Variants in HPCAL1 observed in about 807,000 individuals in gnomAD.
HPCAL1 encodes hippocalcin-like protein 1.
HPCAL1 carries 8 observed loss-of-function variants against 17.1 expected under a neutral mutation model. That is an observed-to-expected ratio of 0.47 (90% CI 0.27 to 0.84). The LOEUF is 0.84. Among genes scored for constraint, HPCAL1 ranks in the 40% least tolerant of loss-of-function variants. The probability of loss-of-function intolerance (pLI) is 0.13; values close to 1 mark genes in which losing one functional copy is unlikely to be tolerated. For synonymous variants in HPCAL1, 112 were observed against 111.4 expected (o/e 1.01, Z -0.03); for missense variants, 165 against 271.1 (o/e 0.61, Z 2.75).
Position 10,343,384 on chromosome 2 carries a change from A to G in HPCAL1, c.-111+40207A>G, listed in dbSNP as rs1057324650. Among the ~76,000 whole-genome samples the G allele has an allele frequency of 6.6e-6, 1 of 152,232 alleles. No homozygotes were observed. Among genetic ancestry groups the G allele is most frequent in the Non-Finnish European group, 1.5e-5 (1 of 68,042 alleles). ...GATGCTAATTCTCACTAGCATGTGA[A>G]GGACTGATAGCACCATATCTCCCTC... is the stretch of plus-strand genomic sequence containing the variant. On this transcript the variant is annotated intron_variant, in intron 1 of 4. Coordinates refer to ENST00000307845, the MANE Select transcript of HPCAL1 (RefSeq NM_002149.4). This position sits in a 1 kb window ranked among gnomAD's most constrained non-coding sequence, Gnocchi z 4.8.
At position 10,343,878 on chromosome 2, in the gene HPCAL1, T is replaced by C. The variant is rs1396590251; in HGVS notation, c.-111+40701T>C. ...CAGGGATGAACACATGGCCCATGGCTGTGCGCTTCCCAAGCAAGCAGTTCT... is the reference window on the plus strand; with the variant it reads ...CAGGGATGAACACATGGCCCATGGCCGTGCGCTTCCCAAGCAAGCAGTTCT... On this transcript the variant is annotated intron_variant, in intron 1 of 4. Coordinates refer to ENST00000307845, the MANE Select transcript of HPCAL1 (RefSeq NM_002149.4). This position sits in a 1 kb window ranked among gnomAD's most constrained non-coding sequence, Gnocchi z 4.8. 1.3e-5 allele frequency among the ~76,000 whole-genome samples: 2 copies of C among 152,180 alleles called. No individual in the cohort carries two copies. The highest frequency in any genetic ancestry group is 4.8e-5 in the African/African-American group (2 of 41,454).
chr2:10,343,441 A>G lies in HPCAL1; in HGVS notation c.-111+40264A>G, dbSNP rs181957632. On this transcript the variant is annotated intron_variant, in intron 1 of 4. Transcript: ENST00000307845. This position sits in a 1 kb window ranked among gnomAD's most constrained non-coding sequence, Gnocchi z 4.8. The stretch of plus-strand genomic sequence containing the variant: ...TCCCGGGTGGGAGGTGGGTGTTTGC[A>G]TAGGCAGGCAGGTGAGCCAGCCTAG... Among the ~76,000 whole-genome samples the G allele has an allele frequency of 3.3e-4, 51 of 152,342 alleles. No individual in the cohort carries two copies. The East Asian group carries it at 9.6e-3, about 29-fold the overall frequency.
intron 1 of HPCAL1, among the ~76,000 whole-genome samples, chr2:10,308,683 G>A (rs1662773622): frequency 6.6e-6 from 1 of 152,170 alleles, no homozygotes; most frequent in Non-Finnish European, 1.5e-5. Flanking sequence ...GGCACCTACA[G>A]AATACCCAAG....
At position 10,395,252 on chromosome 2, in the gene HPCAL1, CATTCCATAATTGGCCTACAAA is replaced by C. The variant is rs1484457636; in HGVS notation, c.-110-1578_-110-1558del. Among the ~76,000 whole-genome samples the C allele has an allele frequency of 6.6e-6, 1 of 152,028 alleles. No homozygotes were observed. Among genetic ancestry groups the C allele is most frequent in the Non-Finnish European group, 1.5e-5 (1 of 68,030 alleles). On this transcript the variant is annotated intron_variant, in intron 1 of 4. Transcript: ENST00000307845. This position sits in a 1 kb window ranked among gnomAD's most constrained non-coding sequence, Gnocchi z 4.4. ...GTCTTGAATTCTAGCAGTGAGTTTA[CATTCCATAATTGGCCTACAAA>C]ATTCTATATTTGGGAAACAGTAGAA...
At chr2:10,306,231 G>A (rs1236233556) in intron 1 of HPCAL1, among the ~76,000 whole-genome samples, 1 of 152,132 alleles carries the variant, frequency 6.6e-6, no homozygotes, top group East Asian at 1.9e-4. Context: ...AACCGTGCTT[G>A]TTCATTGTGG....
chr2:10,305,607 A>C (rs572484958), intron 1 of HPCAL1, among the ~76,000 whole-genome samples: 83 of 152,356 alleles, frequency 5.4e-4, no homozygotes, highest in Admixed American at 2.5e-3. Context: ...GGAATCCAAT[A>C]AATGGAAGGT....
rs1665214961 is a variant in HPCAL1 at position 10,343,415 on chromosome 2, C to T, written c.-111+40238C>T. On this transcript the variant is annotated intron_variant, in intron 1 of 4. Transcript: ENST00000307845. The surrounding 1 kb of genome is among the most constrained non-coding windows in gnomAD (Gnocchi z 4.8). Reference sequence around the variant, plus strand: ...GATAGCACCATATCTCCCTCCAGGACTCCCGGGTGGGAGGTGGGTGTTTGC... The same window carrying T: ...GATAGCACCATATCTCCCTCCAGGATTCCCGGGTGGGAGGTGGGTGTTTGC... 6.6e-6 allele frequency among the ~76,000 whole-genome samples: 1 copy of T among 152,254 alleles called. No homozygotes were observed. Among genetic ancestry groups the T allele is most frequent in the Non-Finnish European group, 1.5e-5 (1 of 68,050 alleles).
In HPCAL1 at chr2:10,394,965, T is replaced by A. The variant is rs553253518; in HGVS notation, c.-110-1870T>A. On this transcript the variant is annotated intron_variant, in intron 1 of 4. Coordinates refer to ENST00000307845, the MANE Select transcript of HPCAL1 (RefSeq NM_002149.4). This position sits in a 1 kb window ranked among gnomAD's most constrained non-coding sequence, Gnocchi z 5.0. ...CACGCACCACCACGCATGGCTAATTTTTTGTATTTTTAGTAGAGATGGCAT... is the reference window on the plus strand; with the variant it reads ...CACGCACCACCACGCATGGCTAATTATTTGTATTTTTAGTAGAGATGGCAT... Among the ~76,000 whole-genome samples the A allele has an allele frequency of 1.1e-4, 16 of 151,930 alleles. No homozygotes were observed. The highest frequency in any genetic ancestry group is 3.4e-3 in the Middle Eastern group (1 of 292).
chr2:10,368,113 C>T (rs1666960380), intron 1 of HPCAL1, among the ~76,000 whole-genome samples: 1 of 151,364 alleles, frequency 6.6e-6, no homozygotes, highest in Non-Finnish European at 1.5e-5. Context: ...TATGCGCATA[C>T]ACATGTATAG....
At chr2:10,317,329 G>C (rs978843877) in intron 1 of HPCAL1, among the ~76,000 whole-genome samples, 4 of 152,006 alleles carry the variant, frequency 2.6e-5, no homozygotes, top group African/African-American at 9.7e-5. Context: ...ATCCAAAACA[G>C]CCACAACAAC....
chr2:10,405,399 G>C (rs945634594), intron 2 of HPCAL1, among the ~76,000 whole-genome samples: 20 of 152,262 alleles, frequency 1.3e-4, no homozygotes, highest in Admixed American at 4.6e-4. Flanking sequence ...GACCCTGGAA[G>C]AGCTGCCTGT....
chr2:10,416,829 C>T lies in HPCAL1; in HGVS notation c.-24-2905C>T, dbSNP rs1016692599. 3.9e-5 allele frequency among the ~76,000 whole-genome samples: 6 copies of T among 152,032 alleles called. No homozygotes were observed. In the South Asian group the frequency reaches 6.2e-4, roughly 16 times the overall value. On this transcript the variant is annotated intron_variant, in intron 2 of 4. Coordinates refer to ENST00000307845, the MANE Select transcript of HPCAL1 (RefSeq NM_002149.4). ...GAGCCCTTTAGAGCATGCTGGCAGG[C>T]GTCATCCCCAAGCCCCAGGGTGGGT...
At position 10,419,707 on chromosome 2, in the gene HPCAL1, G is replaced by A. The variant is rs774564984; in HGVS notation, c.-24-27G>A. ...GCCCTGCTCCGTGGCCGTGGGTGGCGTCCCCGGCTGACCCCCTGTCTTGCA... is the reference window on the plus strand; with the variant it reads ...GCCCTGCTCCGTGGCCGTGGGTGGCATCCCCGGCTGACCCCCTGTCTTGCA... On this transcript the variant is annotated intron_variant, in intron 2 of 4. Coordinates refer to ENST00000307845, the MANE Select transcript of HPCAL1 (RefSeq NM_002149.4). The surrounding 1 kb of genome is among the most constrained non-coding windows in gnomAD (Gnocchi z 5.0). 1.8e-5 allele frequency: 29 copies of A among 1,569,458 alleles called. No homozygotes were observed. Among genetic ancestry groups the A allele is most frequent in the Non-Finnish European group, 2.3e-5 (27 of 1,158,162 alleles).
rs1282886644 is a variant in HPCAL1 at position 10,384,989 on chromosome 2, A to T, written c.-110-11846A>T. Among the ~76,000 whole-genome samples, 2 of 152,090 alleles carry T rather than the reference A, an allele frequency of 1.3e-5. No homozygotes were observed. The highest frequency in any genetic ancestry group is 2.9e-5 in the Non-Finnish European group (2 of 68,022). On this transcript the variant is annotated intron_variant, in intron 1 of 4. Coordinates refer to ENST00000307845, the MANE Select transcript of HPCAL1 (RefSeq NM_002149.4). This position sits in a 1 kb window ranked among gnomAD's most constrained non-coding sequence, Gnocchi z 4.4. ...ACAAAAATTAGCTGGGCATGGTGGC[A>T]CACGCCTGTAATCCCAGCTACTTGG...
chr2:10,380,819 A>G (rs1207322050), intron 1 of HPCAL1, among the ~76,000 whole-genome samples: 2 of 152,050 alleles, frequency 1.3e-5, no homozygotes, highest in African/African-American at 4.8e-5. Flanking sequence ...TGGCCGCAAA[A>G]TCTCCTGGGC....
chr2:10,340,143 T>C (rs1664987349), intron 1 of HPCAL1, among the ~76,000 whole-genome samples: 1 of 152,288 alleles, frequency 6.6e-6, no homozygotes, highest in Non-Finnish European at 1.5e-5. Context: ...CTGCCTCGGC[T>C]CCTCCCCACA....
chr2:10,368,683 T>C (rs1667013452), intron 1 of HPCAL1: 2 of 152,258 alleles, frequency 1.3e-5, no homozygotes, highest in Admixed American at 1.3e-4. Context: ...TGTCTGGTGG[T>C]GGCCGCCCTT....
At chr2:10,314,540 C>CG (rs1484947932) in intron 1 of HPCAL1, among the ~76,000 whole-genome samples, 1 of 152,222 alleles carries the variant, frequency 6.6e-6, no homozygotes, top group Non-Finnish European at 1.5e-5. Flanking sequence ...GGCTGTAGAT[C>CG]GGGGGCCTTA....
At position 10,365,387 on chromosome 2, in the gene HPCAL1, G is replaced by A. The variant is rs1408968536; in HGVS notation, c.-110-31448G>A. Among the ~76,000 whole-genome samples, 1 of 152,206 alleles carries A rather than the reference G, an allele frequency of 6.6e-6. No homozygotes were observed. The highest frequency in any genetic ancestry group is 1.5e-5 in the Non-Finnish European group (1 of 68,040). ...GTTCTTGGAAATAAATACACCTCGT[G>A]TCATGGAGATGGGCAGACGAGGTGC... On this transcript the variant is annotated intron_variant, in intron 1 of 4. Transcript: ENST00000307845. This position sits in a 1 kb window ranked among gnomAD's most constrained non-coding sequence, Gnocchi z 4.8.
Sources: allele counts gnomAD v4.1 joint callset (sites outside exome capture counted in the v4.1 genomes callset), GRCh38; gene constraint gnomAD v4.1.1; non-coding constraint Gnocchi (gnomAD v3.1); transcripts MANE v1.5; gene names NCBI Gene and HGNC (gene_info 2026-07-23, HGNC 2026-07-21).